Variants in FBXL5 observed in about 807,000 individuals in gnomAD.
FBXL5 encodes F-box and leucine rich repeat protein 5.
In FBXL5, 26 loss-of-function variants were observed where a neutral mutation model predicts 78.3. That is an observed-to-expected ratio of 0.33 (90% confidence interval 0.24 to 0.46). FBXL5 has a LOEUF of 0.46. Among genes scored for constraint, FBXL5 ranks in the 20% least tolerant of loss-of-function variants. FBXL5 has a pLI of 1.00. For synonymous variants in FBXL5, 295 were observed against 282.5 expected (o/e 1.04, Z -0.45); for missense variants, 710 against 829.2 (o/e 0.86, Z 1.77).
intron 2 of FBXL5, among the ~76,000 whole-genome samples, chr4:15,644,168 A>G (rs1344845891): frequency 6.6e-6 from 1 of 152,226 alleles, no homozygotes; most frequent in Non-Finnish European, 1.5e-5. Flanking sequence ...CTTCAGCAAG[A>G]ATTTTATAGT....
intron 1 of FBXL5, among the ~76,000 whole-genome samples, chr4:15,648,841 TGA>T (rs1715636416): frequency 6.6e-6 from 1 of 152,210 alleles, no homozygotes; most frequent in South Asian, 2.1e-4. Flanking sequence ...TGAAATTTGC[TGA>T]GAGTACATCC....
intron 9 of FBXL5, among the ~76,000 whole-genome samples, chr4:15,622,983 T>C (rs949643133): frequency 6.6e-6 from 1 of 152,316 alleles, no homozygotes; most frequent in Non-Finnish European, 1.5e-5. Flanking sequence ...AATTATCCAC[T>C]TTGTTCTAAG....
intron 1 of FBXL5, among the ~76,000 whole-genome samples, chr4:15,676,618 A>G (rs1198366641): frequency 2.6e-5 from 4 of 152,164 alleles, no homozygotes; most frequent in Non-Finnish European, 5.9e-5. Context: ...AAAATGTTAC[A>G]GGGTCATACA....
intron 2 of FBXL5, among the ~76,000 whole-genome samples, chr4:15,644,207 A>C (rs1715157256): frequency 6.6e-6 from 1 of 152,100 alleles, no homozygotes; most frequent in Non-Finnish European, 1.5e-5. Flanking sequence ...CTTGGCCTTG[A>C]TGTTTCCTCA....
chr4:15,621,151 T>C (rs1173732652), intron 9 of FBXL5, among the ~76,000 whole-genome samples: 2 of 152,170 alleles, frequency 1.3e-5, no homozygotes, highest in African/African-American at 2.4e-5. Flanking sequence ...GCAGTCTATT[T>C]TGGAAAATCA....
At chr4:15,636,320 GA>G (rs888957194) in intron 5 of FBXL5, 173 bp downstream of exon 5, 1 of 469,418 alleles carries the variant, frequency 2.1e-6, no homozygotes. Context: ...ATTTACCCAT[GA>G]ATTTCATCAC....
At chr4:15,621,529 T>G (rs1164220773) in intron 9 of FBXL5, among the ~76,000 whole-genome samples, 1 of 152,162 alleles carries the variant, frequency 6.6e-6, no homozygotes, top group African/African-American at 2.4e-5. Flanking sequence ...AACAGATGGA[T>G]AAACATAATG....
intron 1 of FBXL5, among the ~76,000 whole-genome samples, chr4:15,678,771 G>A (rs1030623891): frequency 8.6e-5 from 13 of 151,986 alleles, no homozygotes; most frequent in African/African-American, 3.1e-4. Flanking sequence ...ATATTTATAA[G>A]GTCATTTTGT....
intron 10 of FBXL5, among the ~76,000 whole-genome samples, chr4:15,611,409 A>T (rs1262831915): frequency 6.6e-6 from 1 of 151,976 alleles, no homozygotes; most frequent in African/African-American, 2.4e-5. Flanking sequence ...GCACTCAAAG[A>T]CAATAGGGCG....
At chr4:15,619,115 A>G (rs1262324599) in intron 9 of FBXL5, among the ~76,000 whole-genome samples, 1 of 152,198 alleles carries the variant, frequency 6.6e-6, no homozygotes, top group African/African-American at 2.4e-5. Flanking sequence ...GTGAGCCATA[A>G]TAGCACCACT....
chr4:15,670,710 G>GAA (rs59482229), intron 1 of FBXL5, among the ~76,000 whole-genome samples: 1 of 148,970 alleles, frequency 6.7e-6, no homozygotes, highest in African/African-American at 2.5e-5. Context: ...TTGAAAAAAG[G>GAA]AAAAAAAAAA....
In FBXL5 at chr4:15,630,710, C is replaced by A. The variant is rs781272941; in HGVS notation, c.848G>T (p.Arg283Leu). The A allele has an allele frequency of 1.9e-6, 3 of 1,602,384 alleles. No individual in the cohort carries two copies. Among genetic ancestry groups the A allele is most frequent in the Admixed American group, 1.8e-5 (1 of 56,718 alleles). The change falls in exon 6 of 11, where the codon CGT (arginine) becomes CTT (leucine). Residue 283 changes from arginine to leucine, a missense_variant. Physicochemically the swap from Arg to Leu is moderately radical, Grantham distance 102. Transcript: ENST00000341285. Reference protein sequence around the residue: ...EWVKNRKDESRAFHEWDEDAD... With the variant: ...EWVKNRKDESLAFHEWDEDAD... ...ATCTTCATCCCACTCATGAAAAGCA[C>A]GACTTTCATCTTTCCTATTTTTCAC...
Position 15,610,834 on chromosome 4 carries a change from T to G in FBXL5, c.1999+1432A>C, listed in dbSNP as rs533305161. 2.6e-3 allele frequency among the ~76,000 whole-genome samples: 399 copies of G among 152,100 alleles called. 1 individual carries two copies. Among genetic ancestry groups the G allele is most frequent in the African/African-American group, 9.2e-3 (384 of 41,538 alleles). ...TTCAAATGCAACATACAAATAAAAT[T>G]TTTTCTGATAAAAAACAATTGCTTA... On this transcript the variant is annotated intron_variant, in intron 10 of 10. Coordinates refer to ENST00000341285, the MANE Select transcript of FBXL5 (RefSeq NM_012161.4).
At chr4:15,626,150 A>C (rs1713040340) in intron 8 of FBXL5, among the ~76,000 whole-genome samples, 173 bp from the exon 9 acceptor site, 2 of 152,220 alleles carry the variant, frequency 1.3e-5, no homozygotes, top group Non-Finnish European at 2.9e-5. Flanking sequence ...GGATACAAAA[A>C]CTCAATGAGA....
chr4:15,679,572 A>AC, intron 1 of FBXL5, among the ~76,000 whole-genome samples: 1 of 151,484 alleles, frequency 6.6e-6, no homozygotes, highest in East Asian at 1.9e-4. Flanking sequence ...CAAAAAAAAA[A>AC]AAAAACAAAA....
chr4:15,648,877 C>T (rs1715640610), intron 1 of FBXL5, among the ~76,000 whole-genome samples: 1 of 152,108 alleles, frequency 6.6e-6, no homozygotes, highest in African/African-American at 2.4e-5. Flanking sequence ...CACTCCCACA[C>T]AAAGGGTAAT....
rs573597762 is a variant in FBXL5 at position 15,674,864 on chromosome 4, T to C, written c.-284+6519A>G. ...CGGGGTTTCACCGTGTTAGCCAGGA[T>C]GGTCTCGATCTCCTGACCTTGTGAT... On this transcript the variant is annotated intron_variant, in intron 1 of 4. Coordinates refer to the FBXL5 transcript ENST00000507899. Among the ~76,000 whole-genome samples, 64 of 152,300 alleles carry C rather than the reference T, an allele frequency of 4.2e-4. No individual in the cohort carries two copies. The East Asian group carries it at 6.0e-3, about 14-fold the overall frequency.
rs537852233 is a variant in FBXL5, at chr4:15,654,480, TC to T, written c.84+723del. On this transcript the variant is annotated intron_variant, in intron 1 of 10. Coordinates refer to ENST00000341285, the MANE Select transcript of FBXL5 (RefSeq NM_012161.4). ...CAACTTTTCCTGAGGCCCCCTTTAT[TC>T]GAGCTCATATAAAGAAATCCAAGAG... is the stretch of plus-strand genomic sequence containing the variant. Among the ~76,000 whole-genome samples, 318 of 152,324 alleles carry T rather than the reference TC, an allele frequency of 2.1e-3. 14 individuals are homozygous for T. The South Asian group carries it at 0.062, about 30-fold the overall frequency.
In FBXL5 at chr4:15,674,528, A is replaced by G. The variant is rs548985359; in HGVS notation, c.-284+6855T>C. On this transcript the variant is annotated intron_variant, in intron 1 of 4. Coordinates refer to the FBXL5 transcript ENST00000507899. ...TTATATATTAGTGAAATTATATGTA[A>G]TCATAACTTTTTTCCTTACAAAATT... Among the ~76,000 whole-genome samples, 4 of 152,228 alleles carry G rather than the reference A, an allele frequency of 2.6e-5. No individual in the cohort carries two copies. In the South Asian group the frequency reaches 8.3e-4, roughly 32 times the overall value.
Sources: allele counts gnomAD v4.1 joint callset (sites outside exome capture counted in the v4.1 genomes callset), GRCh38; gene constraint gnomAD v4.1.1; transcripts MANE v1.5; gene names NCBI Gene and HGNC (gene_info 2026-07-23, HGNC 2026-07-21).